SLC38A12: variants seen among roughly 807,000 people sequenced by gnomAD.
SLC38A12 encodes the protein solute carrier family 38 member 12.
chr17:74,792,787 G>T, the SLC38A12 span, among the ~76,000 whole-genome samples: 2 of 152,214 alleles, frequency 1.3e-5, no homozygotes, highest in Non-Finnish European at 2.9e-5. Context: ...CTGCTGGACC[G>T]GCCTCACAGA....
chr17:74,828,720 A>T, the SLC38A12 span, among the ~76,000 whole-genome samples: 3 of 152,120 alleles, frequency 2.0e-5, no homozygotes, highest in Admixed American at 2.0e-4. Flanking sequence ...GGGTACTCAG[A>T]GCCCATTTGT....
At chr17:74,825,799 A>G in the SLC38A12 span, among the ~76,000 whole-genome samples, 1 of 152,178 alleles carries the variant, frequency 6.6e-6, no homozygotes, top group Non-Finnish European at 1.5e-5. Flanking sequence ...TCTGTGCAGA[A>G]CTGGGCTTCA....
the SLC38A12 span, among the ~76,000 whole-genome samples, chr17:74,798,222 G>A: frequency 6.6e-6 from 1 of 152,182 alleles, no homozygotes; most frequent in Non-Finnish European, 1.5e-5. Context: ...AGTTCTGGGG[G>A]ACAGAGATAC....
chr17:74,836,648 C>T, the SLC38A12 span: 75 of 1,611,536 alleles, frequency 4.7e-5, no homozygotes, highest in South Asian at 2.4e-4. The surrounding 1 kb of genome is among the most constrained non-coding windows in gnomAD (Gnocchi z 4.2). Context: ...GCTTCATTTT[C>T]GTCACGGCCA....
the SLC38A12 span, among the ~76,000 whole-genome samples, chr17:74,780,683 G>A: frequency 6.6e-6 from 1 of 152,156 alleles, no homozygotes; most frequent in African/African-American, 2.4e-5. Context: ...TACCTTTACA[G>A]AAGGTGAAGA....
the SLC38A12 span, chr17:74,788,741 T>C: frequency 1.3e-6 from 2 of 1,552,120 alleles, no homozygotes; most frequent in South Asian, 2.2e-5. Context: ...TCTCTCTCTG[T>C]CTCCTCCAAC....
the SLC38A12 span, among the ~76,000 whole-genome samples, chr17:74,781,302 CT>C: frequency 7.3e-5 from 11 of 150,386 alleles, no homozygotes; most frequent in African/African-American, 2.2e-4. Flanking sequence ...CCATTACTTT[CT>C]TTTTTTTTTC....
chr17:74,790,683 C>T, the SLC38A12 span, among the ~76,000 whole-genome samples: 3 of 151,920 alleles, frequency 2.0e-5, no homozygotes, highest in Non-Finnish European at 4.4e-5. Flanking sequence ...ATACATGCCC[C>T]TGCCTTGCTG....
At chr17:74,790,950 C>T in the SLC38A12 span, 1 of 1,614,024 alleles carries the variant, frequency 6.2e-7, no homozygotes, top group East Asian at 2.2e-5. Flanking sequence ...TCTTTTGGCT[C>T]TGCAGAGAGA....
the SLC38A12 span, among the ~76,000 whole-genome samples, chr17:74,779,922 T>A: frequency 6.6e-6 from 1 of 152,226 alleles, no homozygotes; most frequent in Non-Finnish European, 1.5e-5. Flanking sequence ...TGTCACACCC[T>A]CTCAAGGGTA....
chr17:74,825,633 C>T, the SLC38A12 span, among the ~76,000 whole-genome samples: 1 of 152,176 alleles, frequency 6.6e-6, no homozygotes, highest in African/African-American at 2.4e-5. Flanking sequence ...TGTGTACGGC[C>T]GAGATGGGCA....
At chr17:74,839,143 C>A in the SLC38A12 span, 1 of 1,523,254 alleles carries the variant, frequency 6.6e-7, no homozygotes, top group South Asian at 1.2e-5. Context: ...TGTTCCTCAC[C>A]TGAGGCTAGA....
chr17:74,783,721 CTTTTTT>C, the SLC38A12 span, among the ~76,000 whole-genome samples: 1 of 104,010 alleles, frequency 9.6e-6, no homozygotes, highest in African/African-American at 3.7e-5. Flanking sequence ...CATGCTTTTT[CTTTTTT>C]TTTTTTTTTT....
the SLC38A12 span, chr17:74,790,105 C>A: frequency 1.0e-6 from 1 of 1,000,062 alleles, no homozygotes; most frequent in Admixed American, 1.8e-5. Context: ...AGGCACATGA[C>A]ACCACACCTG....
the SLC38A12 span, chr17:74,819,623 C>A: frequency 2.4e-6 from 2 of 833,846 alleles, no homozygotes; most frequent in Non-Finnish European, 4.0e-6. Context: ...CTCTGCCAGT[C>A]CAGGTGTGCC....
the SLC38A12 span, among the ~76,000 whole-genome samples, chr17:74,793,660 G>C: frequency 6.6e-6 from 1 of 152,196 alleles, no homozygotes; most frequent in Non-Finnish European, 1.5e-5. Context: ...GCTGGGAGTG[G>C]GGCGGGGGAC....
chr17:74,814,490 A>G, the SLC38A12 span, among the ~76,000 whole-genome samples: 3 of 152,204 alleles, frequency 2.0e-5, no homozygotes, highest in East Asian at 5.8e-4. Context: ...GTAAACTCAG[A>G]GCCATGCTGT....
chr17:74,828,312 G>A, the SLC38A12 span, among the ~76,000 whole-genome samples: 8 of 152,236 alleles, frequency 5.3e-5, no homozygotes, highest in Admixed American at 1.3e-4. Context: ...CAGCACTGGC[G>A]TGTGGAAAAG....
At chr17:74,791,056 TG>T in the SLC38A12 span, 4 of 1,606,960 alleles carry the variant, frequency 2.5e-6, no homozygotes, top group South Asian at 2.2e-5. Context: ...CTTTTGGGGG[TG>T]GGGTGTGGGG....
Sources: allele counts gnomAD v4.1 joint callset (sites outside exome capture counted in the v4.1 genomes callset), GRCh38; gene constraint gnomAD v4.1.1; non-coding constraint Gnocchi (gnomAD v3.1); transcripts MANE v1.5; gene names NCBI Gene and HGNC (gene_info 2026-07-23, HGNC 2026-07-21).